Variants in CDH18 observed in about 807,000 individuals in gnomAD.
CDH18 encodes the protein cadherin 18.
Under a neutral mutation model 67.9 loss-of-function variants are expected in CDH18, and 31 were observed. The ratio of observed to expected loss-of-function variants is 0.46; its 90% CI spans 0.34 to 0.62. The LOEUF is 0.62. Ranked by LOEUF, CDH18 falls within the 20% of genes least tolerant of loss-of-function variation. The probability of loss-of-function intolerance (pLI) is 0.01; values close to 1 mark genes in which losing one functional copy is unlikely to be tolerated. For synonymous variants in CDH18, 362 were observed against 347.2 expected (o/e 1.04, Z -0.48); for missense variants, 890 against 975.5 (o/e 0.91, Z 1.17).
chr5:19,852,841 T>C (rs886304089), intron 2 of CDH18, among the ~76,000 whole-genome samples: 3 of 152,058 alleles, frequency 2.0e-5, no homozygotes, highest in Admixed American at 1.3e-4. Flanking sequence ...AACACATGTA[T>C]TCTTCCTATA....
chr5:19,799,848 A>G (rs936341927), intron 3 of CDH18, among the ~76,000 whole-genome samples: 4 of 151,992 alleles, frequency 2.6e-5, no homozygotes, highest in African/African-American at 9.7e-5. Context: ...ACCAACTACC[A>G]TTTTTCAAGA....
At chr5:20,107,431 A>G (rs1747059519) in intron 2 of CDH18, among the ~76,000 whole-genome samples, 1 of 152,132 alleles carries the variant, frequency 6.6e-6, no homozygotes, top group African/African-American at 2.4e-5. Flanking sequence ...GCTTGTCCCT[A>G]TCTCTGCAAA....
In CDH18 at chr5:19,731,350, C is replaced by T. The variant is rs529287752; in HGVS notation, c.524-9884G>A. Among the ~76,000 whole-genome samples the T allele has an allele frequency of 2.0e-3, 303 of 152,194 alleles. 1 individual carries two copies. The highest frequency in any genetic ancestry group is 3.8e-3 in the Non-Finnish European group (261 of 68,002). ...CCTGTAGCCCCAGCTACTCGGGAGG[C>T]TGAGGCAGGAGAATGGCATGAACCT... On this transcript the variant is annotated intron_variant, in intron 4 of 12. Coordinates refer to ENST00000382275, the MANE Select transcript of CDH18 (RefSeq NM_004934.5).
At chr5:20,124,682 A>C (rs1481415048) in intron 2 of CDH18, among the ~76,000 whole-genome samples, 1 of 152,176 alleles carries the variant, frequency 6.6e-6, no homozygotes, top group South Asian at 2.1e-4. Context: ...CAAGTACGCT[A>C]GAATGTTAAG....
chr5:19,726,370 G>C (rs1154830), intron 4 of CDH18, among the ~76,000 whole-genome samples: 140,240 of 152,230 alleles, frequency 0.92, 65,691 homozygotes, highest in East Asian at 1. Context: ...TCACACAATT[G>C]TCTTTGTGTG....
intron 2 of CDH18, among the ~76,000 whole-genome samples, chr5:19,856,704 C>CAAA (rs67234901): frequency 6.8e-6 from 1 of 147,990 alleles, no homozygotes; most frequent in Non-Finnish European, 1.5e-5. Flanking sequence ...AAAGAGGCAG[C>CAAA]AAAAAAAAAA....
chr5:20,146,398 G>A (rs1228236033), intron 2 of CDH18, among the ~76,000 whole-genome samples: 3 of 151,894 alleles, frequency 2.0e-5, no homozygotes, highest in East Asian at 1.9e-4. Flanking sequence ...AGAAAGGAAC[G>A]CTAAGGTCTT....
chr5:20,159,153 T>A (rs1751782560), intron 2 of CDH18, among the ~76,000 whole-genome samples: 1 of 152,166 alleles, frequency 6.6e-6, no homozygotes, highest in Non-Finnish European at 1.5e-5. Context: ...TGTTTTCTAA[T>A]CTTTAGTTTG....
intron 1 of CDH18, among the ~76,000 whole-genome samples, chr5:20,315,868 T>C (rs1428221090): frequency 6.6e-6 from 1 of 152,142 alleles, no homozygotes; most frequent in African/African-American, 2.4e-5. Flanking sequence ...GTCTACTGTT[T>C]GTCTCTCTGA....
chr5:20,115,777 C>T (rs1747859301), intron 2 of CDH18, among the ~76,000 whole-genome samples: 1 of 151,958 alleles, frequency 6.6e-6, no homozygotes, highest in Non-Finnish European at 1.5e-5. Context: ...CATTTGATAC[C>T]TGTGTTGGTT....
intron 3 of CDH18, among the ~76,000 whole-genome samples, chr5:19,779,254 G>A (rs1774802868): frequency 1.3e-5 from 2 of 152,032 alleles, no homozygotes; most frequent in Admixed American, 1.3e-4. Flanking sequence ...TAATTTTATA[G>A]AATAATCACT....
At chr5:20,490,979 T>C (rs1227430912) in intron 1 of CDH18, among the ~76,000 whole-genome samples, 1 of 152,118 alleles carries the variant, frequency 6.6e-6, no homozygotes, top group Non-Finnish European at 1.5e-5. Flanking sequence ...GGAAAGTAAG[T>C]AGATCCTTTC....
At chr5:20,373,825 C>A (rs1743200045) in intron 1 of CDH18, among the ~76,000 whole-genome samples, 1 of 151,950 alleles carries the variant, frequency 6.6e-6, no homozygotes, top group Non-Finnish European at 1.5e-5. Context: ...CTATTATTGA[C>A]AATCTGTACA....
intron 2 of CDH18, among the ~76,000 whole-genome samples, chr5:19,955,886 T>G (rs370097716): frequency 6.6e-6 from 1 of 151,948 alleles, no homozygotes; most frequent in Admixed American, 6.6e-5. Flanking sequence ...CAAGAAAATA[T>G]ACCAATTGAA....
In CDH18 at chr5:19,771,413, T is replaced by C. The variant is rs148892873; in HGVS notation, c.229-24177A>G. 5.4e-3 allele frequency among the ~76,000 whole-genome samples: 824 copies of C among 152,300 alleles called. 1 individual carries two copies. Among genetic ancestry groups the C allele is most frequent in the South Asian group, 0.012 (57 of 4,828 alleles). ...TGCATGAGAAGCCCTAAGGAGAGGC[T>C]CACGTGGCAAGAAAACTGATGACTC... is the stretch of plus-strand genomic sequence containing the variant. On this transcript the variant is annotated intron_variant, in intron 3 of 12. Coordinates refer to ENST00000382275, the MANE Select transcript of CDH18 (RefSeq NM_004934.5).
At chr5:19,836,060 G>A (rs1781585490) in intron 3 of CDH18, among the ~76,000 whole-genome samples, 1 of 152,054 alleles carries the variant, frequency 6.6e-6, no homozygotes, top group African/African-American at 2.4e-5. Flanking sequence ...TGAAAAACAA[G>A]TTGTCTGAAT....
chr5:19,522,803 G>A (rs1436857248), intron 9 of CDH18, among the ~76,000 whole-genome samples: 2 of 150,406 alleles, frequency 1.3e-5, no homozygotes, highest in African/African-American at 4.9e-5. Flanking sequence ...GCTGAGGCAG[G>A]AGAATCACTT....
intron 1 of CDH18, among the ~76,000 whole-genome samples, chr5:20,433,263 G>A (rs1035308638): frequency 6.6e-6 from 1 of 151,516 alleles, no homozygotes; most frequent in African/African-American, 2.4e-5. Flanking sequence ...ATATATGTGT[G>A]TGTGTGTGTA....
At chr5:19,522,656 A>G (rs1372603778) in intron 9 of CDH18, among the ~76,000 whole-genome samples, 2 of 152,126 alleles carry the variant, frequency 1.3e-5, no homozygotes, top group Non-Finnish European at 2.9e-5. Flanking sequence ...GTATTTTGGG[A>G]GGCTGAGGTA....
Sources: gnomAD v4.1 joint callset for allele counts (sites outside exome capture counted in the v4.1 genomes callset) on GRCh38, gnomAD v4.1.1 for gene constraint, MANE v1.5 for transcripts, NCBI Gene and HGNC (gene_info 2026-07-23, HGNC 2026-07-21) for gene names.